MXI1: variants seen among roughly 807,000 people sequenced by gnomAD.
MXI1 encodes the protein max-interacting protein 1.
Under a neutral mutation model 36.9 loss-of-function variants are expected in MXI1, and 18 were observed. The ratio of observed to expected loss-of-function variants is 0.49; its 90% confidence interval spans 0.34 to 0.72. MXI1 has a LOEUF of 0.72. MXI1 is among the 30% of genes least tolerant of loss of function. The pLI is 0.01. For synonymous variants in MXI1, 160 were observed against 146.7 expected (o/e 1.09, Z -0.65); for missense variants, 304 against 379.1 (o/e 0.80, Z 1.64).
intron 1 of MXI1, among the ~76,000 whole-genome samples, chr10:110,218,150 T>A (rs1487243167): frequency 6.6e-6 from 1 of 151,672 alleles, no homozygotes; most frequent in Non-Finnish European, 1.5e-5. Flanking sequence ...TGTGCAAGAG[T>A]CAAGAATTGG....
intron 3 of MXI1, among the ~76,000 whole-genome samples, chr10:110,258,596 A>G (rs1856396893): frequency 6.6e-6 from 1 of 152,172 alleles, no homozygotes; most frequent in African/African-American, 2.4e-5. Flanking sequence ...TGTAATTTCT[A>G]TAGGGATAGG....
chr10:110,236,608 G>T (rs562331058), intron 2 of MXI1, among the ~76,000 whole-genome samples: 42 of 152,136 alleles, frequency 2.8e-4, no homozygotes, highest in South Asian at 2.3e-3. Context: ...CTACAGGTGT[G>T]CACTCCCACA....
intron 2 of MXI1, among the ~76,000 whole-genome samples, chr10:110,230,540 A>G (rs1564710165): frequency 6.6e-6 from 1 of 152,210 alleles, no homozygotes; most frequent in African/African-American, 2.4e-5. Context: ...TTATCTCAAG[A>G]TCCACCAATG....
intron 2 of MXI1, among the ~76,000 whole-genome samples, chr10:110,230,996 G>T (rs977246191): frequency 6.6e-6 from 1 of 152,140 alleles, no homozygotes; most frequent in African/African-American, 2.4e-5. Context: ...CTCTGACATC[G>T]TAGCATCTTT....
chr10:110,231,659 A>G (rs1855267835), intron 2 of MXI1, among the ~76,000 whole-genome samples: 1 of 152,216 alleles, frequency 6.6e-6, no homozygotes, highest in Non-Finnish European at 1.5e-5. Context: ...ACTTCCAAAA[A>G]TCAACATTGC....
intron 1 of MXI1, among the ~76,000 whole-genome samples, chr10:110,210,625 C>T (rs1456610682): frequency 6.6e-6 from 1 of 152,156 alleles, no homozygotes; most frequent in Admixed American, 6.5e-5. Flanking sequence ...TCCACGGGGG[C>T]CACTTTATCC....
At chr10:110,217,687 G>A (rs1424617679) in intron 1 of MXI1, among the ~76,000 whole-genome samples, 1 of 152,242 alleles carries the variant, frequency 6.6e-6, no homozygotes, top group Admixed American at 6.5e-5. Flanking sequence ...CTGCCAGGGA[G>A]CCAAGCTCTG....
At chr10:110,244,989 G>T (rs1258571179) in intron 3 of MXI1, 132 bp downstream of exon 3, 8 of 793,576 alleles carry the variant, frequency 1.0e-5, no homozygotes, top group Non-Finnish European at 1.4e-5. Flanking sequence ...TTGTGAATCT[G>T]ATATATATGT....
At chr10:110,273,601 T>C (rs1428203481) in intron 3 of MXI1, among the ~76,000 whole-genome samples, 1 of 152,184 alleles carries the variant, frequency 6.6e-6, no homozygotes, top group East Asian at 1.9e-4. Context: ...AGCTAGCTGC[T>C]GTCACGTGCA....
At chr10:110,225,971 CT>C (rs1854951226) in intron 1 of MXI1, 12 of 971,492 alleles carry the variant, frequency 1.2e-5, no homozygotes, top group Non-Finnish European at 1.5e-5. Context: ...GCTCCCGCCC[CT>C]CCCCCGTGCT....
chr10:110,225,864 G>A (rs768427769), intron 1 of MXI1: 2 of 348,718 alleles, frequency 5.7e-6, no homozygotes, highest in African/African-American at 2.2e-5. Context: ...GCCCTGAAAC[G>A]GCGTGTGCAC....
intron 3 of MXI1, among the ~76,000 whole-genome samples, chr10:110,262,314 G>T (rs191708040): frequency 4.1e-4 from 62 of 152,216 alleles, no homozygotes; most frequent in Non-Finnish European, 1.0e-4. Context: ...TATAGAGGAG[G>T]ATGTACATAG....
chr10:110,249,620 T>C (rs914081260), intron 3 of MXI1, among the ~76,000 whole-genome samples: 3 of 151,222 alleles, frequency 2.0e-5, no homozygotes, highest in African/African-American at 7.3e-5. Flanking sequence ...TTTTTCATAC[T>C]GAAAAATGAA....
At chr10:110,245,845 T>G (rs1590366038) in intron 3 of MXI1, 1 of 152,004 alleles carries the variant, frequency 6.6e-6, no homozygotes, top group South Asian at 2.1e-4. Context: ...GCCACTGAGA[T>G]AGAAGTAGAC....
Position 110,208,098 on chromosome 10 carries a change from C to T in MXI1, c.274+16C>T. The T allele has an allele frequency of 1.3e-6, 2 of 1,569,106 alleles. No individual in the cohort carries two copies. The highest frequency in any genetic ancestry group is 1.7e-6 in the Non-Finnish European group (2 of 1,159,486). ...GAAAACAAAAGTAAGTTTGGGGGCC[C>T]CTGCTCTTCCTCGGCGCCCGGTTCT... On this transcript the variant is annotated intron_variant, in intron 1 of 5. Coordinates refer to ENST00000332674, the MANE Select transcript of MXI1 (RefSeq NM_130439.3).
intron 3 of MXI1, among the ~76,000 whole-genome samples, chr10:110,273,496 A>G (rs1856926828): frequency 1.3e-5 from 2 of 152,238 alleles, no homozygotes; most frequent in African/African-American, 4.8e-5. Flanking sequence ...GAAAACAGGC[A>G]GGCAGGGTTT....
chr10:110,255,967 G>A (rs1856274787), intron 3 of MXI1, among the ~76,000 whole-genome samples: 1 of 152,134 alleles, frequency 6.6e-6, no homozygotes. Flanking sequence ...CCAAAGAACA[G>A]ACTTACTGAT....
chr10:110,250,133 T>TA (rs1398277648), intron 3 of MXI1, among the ~76,000 whole-genome samples: 5 of 149,974 alleles, frequency 3.3e-5, no homozygotes, highest in Non-Finnish European at 3.0e-5. Flanking sequence ...TCAGGACTGA[T>TA]AGAGAAATTC....
chr10:110,224,635 C>CTT lies in MXI1; in HGVS notation c.275-3536_275-3535dup, dbSNP rs34948360. On this transcript the variant is annotated intron_variant, in intron 1 of 5. Coordinates refer to ENST00000332674, the MANE Select transcript of MXI1 (RefSeq NM_130439.3). ...GTGGCCATGAATGAGCAGTCAGTGG[C>CTT]TTTTTTTTTTTTTTTTTTTCTTTGA... 3.3e-4 allele frequency among the ~76,000 whole-genome samples: 42 copies of CTT among 126,422 alleles called. 1 individual carries two copies. Among genetic ancestry groups the CTT allele is most frequent in the Non-Finnish European group, 5.1e-4 (31 of 60,610 alleles). 82.9% of individuals were successfully genotyped at this position (126,422 alleles called of 152,430 possible).
Sources: allele counts gnomAD v4.1 joint callset (sites outside exome capture counted in the v4.1 genomes callset), GRCh38; gene constraint gnomAD v4.1.1; transcripts MANE v1.5; gene names NCBI Gene and HGNC (gene_info 2026-07-23, HGNC 2026-07-21).